BLK: variants seen among roughly 807,000 people sequenced by gnomAD.
The protein encoded by BLK is tyrosine-protein kinase Blk.
In BLK, 64 loss-of-function variants were observed where a neutral mutation model predicts 61.8. The observed-to-expected ratio is 1.03, with a 90% CI of 0.85 to 1.27. The LOEUF (loss-of-function observed/expected upper bound fraction) is 1.27. BLK is among the 50% of genes most tolerant of loss of function. The pLI is 0.00. For missense variants in BLK, 853 were observed against 660.5 expected (o/e 1.29, Z -3.19); for synonymous variants, 351 against 272.0 (o/e 1.29, Z -2.86).
intron 6 of BLK, among the ~76,000 whole-genome samples, chr8:11,553,897 C>T (rs1440985216): frequency 6.6e-6 from 1 of 152,130 alleles, no homozygotes; most frequent in Non-Finnish European, 1.5e-5. Flanking sequence ...ACCAAGCGTC[C>T]ACAACGAGAA....
intron 1 of BLK, among the ~76,000 whole-genome samples, chr8:11,510,465 TG>T (rs1798953491): frequency 6.6e-6 from 1 of 152,104 alleles, no homozygotes; most frequent in African/African-American, 2.4e-5. Context: ...TGAATGATTG[TG>T]GGGCTTTGTC....
At chr8:11,562,862 G>GT in intron 11 of BLK, 117 bp from the exon 12 acceptor site, 1 of 1,467,498 alleles carries the variant, frequency 6.8e-7, no homozygotes, top group Non-Finnish European at 9.4e-7. Context: ...GCCCCGCCCT[G>GT]TGAGGCCCCG....
At position 11,561,384 on chromosome 8, in the gene BLK, C is replaced by T. The variant is rs781408045; in HGVS notation, c.1112C>T (p.Ala371Val). 3.7e-6 allele frequency: 6 copies of T among 1,614,012 alleles called. No homozygotes were observed. The African/African-American group carries it at 6.7e-5, about 18-fold the overall frequency. Reference protein sequence around the residue: ...LRAANILVSEALCCKIADFGL... With the variant: ...LRAANILVSEVLCCKIADFGL... ...GCGGCCAACATCCTGGTGTCTGAGG[C>T]CTTGTGCTGCAAAATTGCTGATTTT... Residue 371 changes from alanine (A) to valine (V), a missense_variant, in exon 11 of 13, where the codon GCC becomes GTC. By Grantham distance (64) the Ala-to-Val change is moderately conservative. Coordinates refer to ENST00000259089, the MANE Select transcript of BLK (RefSeq NM_001715.3).
intron 12 of BLK, 49 bp downstream of exon 12, chr8:11,563,159 C>A: frequency 6.2e-7 from 1 of 1,612,134 alleles, no homozygotes; most frequent in Non-Finnish European, 8.5e-7. Context: ...CCCGGCCGGC[C>A]CTGATGGCAG....
chr8:11,501,279 C>T (rs142763656), intron 1 of BLK, among the ~76,000 whole-genome samples: 14 of 151,676 alleles, frequency 9.2e-5, no homozygotes, highest in South Asian at 6.3e-4. Context: ...GTATTACACA[C>T]GAAAATAGGG....
intron 1 of BLK, among the ~76,000 whole-genome samples, chr8:11,517,481 TG>T (rs1352823044): frequency 6.6e-6 from 1 of 152,222 alleles, no homozygotes; most frequent in African/African-American, 2.4e-5. Context: ...GGCCCCTTTT[TG>T]GCTTGAGCCT....
chr8:11,516,656 G>A (rs931332276), intron 1 of BLK, among the ~76,000 whole-genome samples: 11 of 152,206 alleles, frequency 7.2e-5, no homozygotes, highest in Non-Finnish European at 4.4e-5. Context: ...CTACTTTAGG[G>A]ACTTCATTTA....
Position 11,546,057 on chromosome 8 carries a change from C to T in BLK, c.129C>T (p.Val43=), listed in dbSNP as rs377568491. 3.7e-6 allele frequency: 6 copies of T among 1,614,078 alleles called. No individual in the cohort carries two copies. In the East Asian group the frequency reaches 1.3e-4, roughly 36 times the overall value. Residue 43 remains valine, a synonymous_variant, in exon 3 of 13, where the codon GTC becomes GTT. Coordinates refer to ENST00000259089, the MANE Select transcript of BLK (RefSeq NM_001715.3). The part of the protein sequence containing the change: ...KDAPPLPPLV[V]FNHLTPPPPD... The stretch of plus-strand genomic sequence containing the variant: ...GTGTGTGTTTTCTACCCAAGGTTGT[C>T]TTCAACCACCTTACTCCTCCACCGC...
chr8:11,558,380 C>T (rs1043383119), intron 10 of BLK: 18 of 377,076 alleles, frequency 4.8e-5, no homozygotes, highest in Admixed American at 2.9e-4. Flanking sequence ...CCATTGAACC[C>T]GGCAGGCAAG....
At chr8:11,528,426 G>A (rs1799760126) in intron 1 of BLK, among the ~76,000 whole-genome samples, 2 of 152,220 alleles carry the variant, frequency 1.3e-5, no homozygotes, top group African/African-American at 4.8e-5. Context: ...GAGCTTGGAG[G>A]TCAGAAGCAA....
chr8:11,508,953 C>T lies in BLK; in HGVS notation c.-2+14362C>T, dbSNP rs889402885. Reference sequence around the variant, plus strand: ...TGCTGGGCGCCTTTTGTGCCTCCTACTCATCAATTCCCCCCAGCTGCAGGC... The same window carrying T: ...TGCTGGGCGCCTTTTGTGCCTCCTATTCATCAATTCCCCCCAGCTGCAGGC... On this transcript the variant is annotated intron_variant, in intron 1 of 12. Transcript: ENST00000259089. 2.6e-5 allele frequency among the ~76,000 whole-genome samples: 4 copies of T among 152,146 alleles called. No individual in the cohort carries two copies. In the East Asian group the frequency reaches 7.7e-4, roughly 29 times the overall value.
Position 11,536,462 on chromosome 8 carries a change from C to T in BLK, c.-1-6762C>T, listed in dbSNP as rs961282051. The stretch of plus-strand genomic sequence containing the variant: ...CTGGAGTGCAGTGGCAGGATCTTGG[C>T]TCACTGCAACCTCCACCTCCTGGTT... On this transcript the variant is annotated intron_variant, in intron 1 of 12. Transcript: ENST00000259089. Among the ~76,000 whole-genome samples the T allele has an allele frequency of 4.6e-5, 7 of 152,316 alleles. No homozygotes were observed. The East Asian group carries it at 5.8e-4, about 13-fold the overall frequency.
rs768101243 is a variant in BLK at position 11,555,544 on chromosome 8, G to A, written c.772+60G>A. The A allele has an allele frequency of 2.5e-6, 4 of 1,610,956 alleles. No homozygotes were observed. The African/African-American group carries it at 4.0e-5, about 16-fold the overall frequency. ...CCATTCCACCTGCGCCGCATCCTGA[G>A]TCCAGGTTCAGCATTTTCATAGCGT... is the stretch of plus-strand genomic sequence containing the variant. On this transcript the variant is annotated intron_variant, in intron 8 of 12. Transcript: ENST00000259089.
chr8:11,538,359 G>C (rs1243079056), intron 1 of BLK, among the ~76,000 whole-genome samples: 1 of 152,150 alleles, frequency 6.6e-6, no homozygotes, highest in African/African-American at 2.4e-5. Flanking sequence ...TGACAGCCCT[G>C]GTTGTCCCAT....
intron 1 of BLK, among the ~76,000 whole-genome samples, chr8:11,499,298 T>C (rs909311973): frequency 6.6e-6 from 1 of 152,254 alleles, no homozygotes; most frequent in Non-Finnish European, 1.5e-5. Flanking sequence ...GAGTAGGCTC[T>C]ACCATCTAAG....
At chr8:11,515,349 G>A (rs777055510) in intron 1 of BLK, among the ~76,000 whole-genome samples, 4 of 152,094 alleles carry the variant, frequency 2.6e-5, no homozygotes, top group South Asian at 2.1e-4. Context: ...TCTGGAAGCC[G>A]GCCTCCTGGG....
At chr8:11,526,561 A>G (rs1249401464) in intron 1 of BLK, among the ~76,000 whole-genome samples, 1 of 152,202 alleles carries the variant, frequency 6.6e-6, no homozygotes, top group East Asian at 1.9e-4. Context: ...TCTAATACAA[A>G]TACAAAAATT....
intron 10 of BLK, chr8:11,560,813 T>C (rs73545875): frequency 8.7e-6 from 4 of 457,172 alleles, no homozygotes; most frequent in Admixed American, 7.0e-5. Context: ...TCATGTTCCA[T>C]GTCAGGACTG....
intron 1 of BLK, among the ~76,000 whole-genome samples, chr8:11,524,992 G>C (rs896210188): frequency 6.6e-6 from 1 of 151,316 alleles, no homozygotes; most frequent in Non-Finnish European, 1.5e-5. Context: ...GATGGCATTG[G>C]AGTTAATTTT....
Sources: allele counts gnomAD v4.1 joint callset (sites outside exome capture counted in the v4.1 genomes callset), GRCh38; gene constraint gnomAD v4.1.1; transcripts MANE v1.5; gene names NCBI Gene and HGNC (gene_info 2026-07-23, HGNC 2026-07-21).